The following CDH18 variants were observed in gnomAD, a reference collection of about 807,000 sequenced individuals.
CDH18 encodes the protein cadherin 18.
A neutral mutation model predicts 67.9 loss-of-function variants in CDH18; 31 were observed. The ratio of observed to expected loss-of-function variants is 0.46; its 90% confidence interval spans 0.34 to 0.62. The LOEUF (loss-of-function observed/expected upper bound fraction) is 0.62, where lower values mean the gene tolerates loss of function less well. Among genes scored for constraint, CDH18 ranks in the 20% least tolerant of loss-of-function variants. The probability of loss-of-function intolerance (pLI) is 0.01; values close to 1 mark genes in which losing one functional copy is unlikely to be tolerated. For synonymous variants in CDH18, 362 were observed against 347.2 expected (o/e 1.04, Z -0.48); for missense variants, 890 against 975.5 (o/e 0.91, Z 1.17).
At chr5:20,565,286 GT>G (rs1414895412) in intron 1 of CDH18, among the ~76,000 whole-genome samples, 4 of 29,398 alleles carry the variant, frequency 1.4e-4, no homozygotes, top group African/African-American at 3.5e-4. Flanking sequence ...ACCTAAAGTT[GT>G]TGTTGTTGTT....
chr5:20,009,473 T>C (rs918202924), intron 2 of CDH18, among the ~76,000 whole-genome samples: 3 of 152,120 alleles, frequency 2.0e-5, no homozygotes, highest in African/African-American at 2.4e-5. Context: ...CAGGTAGTCA[T>C]TGAATATTAA....
chr5:20,322,497 G>A (rs941546513), intron 1 of CDH18, among the ~76,000 whole-genome samples: 8 of 152,070 alleles, frequency 5.3e-5, no homozygotes, highest in African/African-American at 9.7e-5. Flanking sequence ...ATGTCCTTTA[G>A]TATTGATGCT....
At chr5:20,530,818 C>T (rs1041708006) in intron 1 of CDH18, among the ~76,000 whole-genome samples, 4 of 151,896 alleles carry the variant, frequency 2.6e-5, no homozygotes, top group Non-Finnish European at 4.4e-5. Context: ...ATTCAGGACA[C>T]AGGCATGGGC....
At chr5:20,523,739 C>T (rs1393892326) in intron 1 of CDH18, among the ~76,000 whole-genome samples, 1 of 152,096 alleles carries the variant, frequency 6.6e-6, no homozygotes, top group Non-Finnish European at 1.5e-5. Flanking sequence ...GGCATTTCAC[C>T]ATATTGGCCA....
chr5:19,514,829 G>A (rs952756513), intron 10 of CDH18, among the ~76,000 whole-genome samples: 2 of 152,160 alleles, frequency 1.3e-5, no homozygotes, highest in African/African-American at 2.4e-5. Context: ...TTCTTTTGCT[G>A]TGCTGAAGGT....
intron 1 of CDH18, among the ~76,000 whole-genome samples, chr5:20,426,658 A>G (rs964481334): frequency 1.3e-5 from 2 of 151,138 alleles, no homozygotes; most frequent in South Asian, 4.1e-4. Flanking sequence ...AGGCACATTC[A>G]TAGGAAATCT....
intron 2 of CDH18, among the ~76,000 whole-genome samples, chr5:19,946,204 T>C (rs1218155613): frequency 6.6e-6 from 1 of 152,172 alleles, no homozygotes; most frequent in African/African-American, 2.4e-5. Flanking sequence ...TAGCATAATA[T>C]ATTTCAGGTG....
At chr5:20,531,752 G>T (rs1300659893) in intron 1 of CDH18, among the ~76,000 whole-genome samples, 1 of 152,058 alleles carries the variant, frequency 6.6e-6, no homozygotes, top group Non-Finnish European at 1.5e-5. Context: ...AGGGCAGGCT[G>T]CGGGCAGAGC....
intron 2 of CDH18, among the ~76,000 whole-genome samples, chr5:20,084,029 G>A (rs951816799): frequency 2.6e-5 from 4 of 151,998 alleles, no homozygotes; most frequent in Admixed American, 6.6e-5. Context: ...CCTTCCAGAC[G>A]GTTCCCCAAA....
At chr5:19,506,130 C>G (rs929272253) in intron 10 of CDH18, among the ~76,000 whole-genome samples, 2 of 147,976 alleles carry the variant, frequency 1.4e-5, no homozygotes, top group Non-Finnish European at 3.0e-5. Context: ...TAACAGAGAG[C>G]CAAATCATGA....
At chr5:19,521,588 C>A (rs938948875) in intron 9 of CDH18, among the ~76,000 whole-genome samples, 3 of 151,594 alleles carry the variant, frequency 2.0e-5, no homozygotes, top group African/African-American at 4.9e-5. Context: ...TAACAACATA[C>A]AATACATTAA....
intron 11 of CDH18, among the ~76,000 whole-genome samples, chr5:19,496,830 A>AC (rs1389063920): frequency 4.0e-5 from 6 of 151,302 alleles, no homozygotes; most frequent in Non-Finnish European, 7.4e-5. Flanking sequence ...AAAAAAAAAA[A>AC]AGGCTTTCAG....
In CDH18 at chr5:20,386,829, A is replaced by C. The variant is rs181512080; in HGVS notation, c.-579-131324T>G. ...ATTATTTTACCTATAGAAAACACAA[A>C]ATCCCCAAATTATGTTTATTTTGGG... On this transcript the variant is annotated intron_variant, in intron 1 of 14. Transcript: ENST00000507958. Among the ~76,000 whole-genome samples the C allele has an allele frequency of 9.1e-4, 138 of 152,146 alleles. 1 individual carries two copies. Among genetic ancestry groups the C allele is most frequent in the African/African-American group, 3.2e-3 (133 of 41,518 alleles).
chr5:20,216,016 C>T (rs1319781822), intron 2 of CDH18, among the ~76,000 whole-genome samples: 2 of 151,864 alleles, frequency 1.3e-5, no homozygotes, highest in African/African-American at 4.8e-5. Context: ...AGAAAGATAA[C>T]TAATGGGTAA....
intron 2 of CDH18, among the ~76,000 whole-genome samples, chr5:20,231,329 G>A (rs983410670): frequency 6.6e-6 from 1 of 152,120 alleles, no homozygotes; most frequent in African/African-American, 2.4e-5. Context: ...GATAATATCG[G>A]CCGGGCACAT....
At chr5:19,823,050 G>T (rs924431494) in intron 3 of CDH18, among the ~76,000 whole-genome samples, 3 of 152,178 alleles carry the variant, frequency 2.0e-5, no homozygotes, top group Admixed American at 1.3e-4. Context: ...GCTTTTCAAA[G>T]AAGAGAAATA....
At chr5:20,477,561 T>C (rs1319244405) in intron 1 of CDH18, among the ~76,000 whole-genome samples, 2 of 152,180 alleles carry the variant, frequency 1.3e-5, no homozygotes, top group African/African-American at 4.8e-5. Flanking sequence ...AGAATTCGGA[T>C]AGAGCCCATG....
chr5:19,626,159 G>A (rs1379190525), intron 5 of CDH18, among the ~76,000 whole-genome samples: 1 of 152,034 alleles, frequency 6.6e-6, no homozygotes, highest in Non-Finnish European at 1.5e-5. Context: ...CATGGGGAGA[G>A]GACACCACTC....
At chr5:19,920,660 C>G (rs375269250) in intron 2 of CDH18, among the ~76,000 whole-genome samples, 152 of 151,724 alleles carry the variant, frequency 1.0e-3, no homozygotes, top group African/African-American at 3.6e-3. Context: ...ATTACAGATG[C>G]CCGCCATCAT....
Sources: allele counts gnomAD v4.1 joint callset (sites outside exome capture counted in the v4.1 genomes callset), GRCh38; gene constraint gnomAD v4.1.1; transcripts MANE v1.5; gene names NCBI Gene and HGNC (gene_info 2026-07-23, HGNC 2026-07-21).